Variants in TPO observed in about 807,000 individuals in gnomAD.
TPO encodes the protein thyroid microsomal antigen.
A neutral mutation model predicts 96.9 loss-of-function variants in TPO; 78 were observed. The observed-to-expected ratio is 0.81, with a 90% CI of 0.67 to 0.97. The LOEUF is 0.97. Among genes scored for constraint, TPO ranks in the 50% least tolerant of loss-of-function variants. The probability of loss-of-function intolerance (pLI) is 0.00; values close to 1 mark genes in which losing one functional copy is unlikely to be tolerated. For missense variants in TPO, 1,252 were observed against 1,274.8 expected (o/e 0.98, Z 0.27); for synonymous variants, 547 against 538.0 (o/e 1.02, Z -0.23).
At chr2:1,496,269 G>C (rs1481564102) in intron 12 of TPO, 72 bp downstream of exon 12, 3 of 1,539,122 alleles carry the variant, frequency 1.9e-6, no homozygotes, top group African/African-American at 2.8e-5. Flanking sequence ...TCTTCCCCAG[G>C]AGCTGATTTT....
intron 1 of TPO, among the ~76,000 whole-genome samples, chr2:1,407,962 C>T (rs1488206254): frequency 1.3e-5 from 2 of 152,174 alleles, no homozygotes; most frequent in Non-Finnish European, 2.9e-5. Context: ...ATTCTGAATC[C>T]TCCTTACAGG....
Position 1,503,578 on chromosome 2 carries a change from C to T in TPO, c.2387-370C>T, listed in dbSNP as rs542784752. Among the ~76,000 whole-genome samples the T allele has an allele frequency of 4.6e-5, 7 of 152,232 alleles. No homozygotes were observed. The South Asian group carries it at 8.3e-4, about 18-fold the overall frequency. On this transcript the variant is annotated intron_variant, in intron 13 of 16. Transcript: ENST00000329066. ...GGCCAGCTGGGAGCATCTGCCTGGG[C>T]GAAGCAGACCCTGCCCCACCCTCAC...
chr2:1,463,355 A>C (rs762816064), intron 7 of TPO, among the ~76,000 whole-genome samples: 40 of 152,242 alleles, frequency 2.6e-4, no homozygotes, highest in Admixed American at 1.5e-3. Context: ...TAGATGACAC[A>C]TCATAAATCA....
At chr2:1,540,822 G>C (rs769573597) in intron 16 of TPO, 99 bp downstream of exon 16, 1 of 1,599,192 alleles carries the variant, frequency 6.3e-7, no homozygotes, top group Admixed American at 1.7e-5. Context: ...GCATATTTCT[G>C]TTTACTCCGT....
chr2:1,442,709 T>C (rs946418397), intron 5 of TPO, among the ~76,000 whole-genome samples: 2 of 152,224 alleles, frequency 1.3e-5, no homozygotes, highest in Non-Finnish European at 2.9e-5. Context: ...TTAGACTTCA[T>C]GTCTTGCTTA....
chr2:1,447,668 A>ATG (rs943641806), intron 5 of TPO, among the ~76,000 whole-genome samples: 10 of 152,102 alleles, frequency 6.6e-5, no homozygotes, highest in Admixed American at 5.9e-4. Flanking sequence ...GTAGATTTGT[A>ATG]TGTGTGTGTG....
intron 4 of TPO, among the ~76,000 whole-genome samples, chr2:1,435,884 G>A (rs1665518542): frequency 6.6e-6 from 1 of 152,156 alleles, no homozygotes; most frequent in African/African-American, 2.4e-5. Flanking sequence ...AGGCACACAT[G>A]CCTCACTGTT....
chr2:1,483,561 A>G (rs1670841429), intron 8 of TPO, among the ~76,000 whole-genome samples: 1 of 152,240 alleles, frequency 6.6e-6, no homozygotes, highest in African/African-American at 2.4e-5. Context: ...ACGTTGCCAC[A>G]TAAATTGCAC....
intron 15 of TPO, among the ~76,000 whole-genome samples, chr2:1,536,848 G>T (rs180836867): frequency 3.0e-3 from 46 of 15,288 alleles, no homozygotes; most frequent in Middle Eastern, 0.042. Flanking sequence ...CCCAAATCCC[G>T]CCACTGTGTT....
rs1314319485 is a variant in TPO, at chr2:1,493,862, G to C, written c.1829G>C (p.Ser610Thr). Residue 610 changes from serine to threonine, a missense_variant, in exon 11 of 17, where the codon AGC becomes ACC. Ser to Thr is a moderately conservative substitution (Grantham distance 58). Coordinates refer to ENST00000329066, the MANE Select transcript of TPO (RefSeq NM_001206744.2). The part of the protein sequence containing the change: ...LPRLETPADL[S>T]TAIASRSVAD... ...CGCCTGGAGACCCCCGCTGACCTGAGCACAGCCATCGCCAGCAGGAGCGTG... is the reference window on the plus strand; with the variant it reads ...CGCCTGGAGACCCCCGCTGACCTGACCACAGCCATCGCCAGCAGGAGCGTG... The C allele has an allele frequency of 6.2e-7, 1 of 1,614,066 alleles. No individual in the cohort carries two copies. The highest frequency in any genetic ancestry group is 8.5e-7 in the Non-Finnish European group (1 of 1,180,040).
intron 3 of TPO, among the ~76,000 whole-genome samples, chr2:1,429,587 A>G (rs1260817590): frequency 6.6e-6 from 1 of 152,206 alleles, no homozygotes; most frequent in Non-Finnish European, 1.5e-5. Context: ...GACTTGCCAA[A>G]TGACTGTGAC....
At chr2:1,481,653 T>C (rs1670652184) in intron 8 of TPO, among the ~76,000 whole-genome samples, 1 of 152,188 alleles carries the variant, frequency 6.6e-6, no homozygotes, top group Non-Finnish European at 1.5e-5. Flanking sequence ...AGCTGAGTAC[T>C]TTTTCAGATT....
At chr2:1,455,985 A>T (rs1667746621) in intron 6 of TPO, 91 bp from the exon 7 acceptor site, 1 of 1,335,432 alleles carries the variant, frequency 7.5e-7, no homozygotes, top group African/African-American at 1.4e-5. Flanking sequence ...GTGAACAAGA[A>T]CCACACCAGG....
chr2:1,496,493 A>G (rs1672363284), intron 12 of TPO, 102 bp from the exon 13 acceptor site: 23 of 1,527,982 alleles, frequency 1.5e-5, no homozygotes, highest in South Asian at 4.5e-5. Context: ...CGGCCCTGGC[A>G]CCAGCCCCTC....
At chr2:1,418,211 C>G (rs191362088) in intron 2 of TPO, among the ~76,000 whole-genome samples, 2 of 150,408 alleles carry the variant, frequency 1.3e-5, no homozygotes, top group Non-Finnish European at 2.9e-5. Context: ...CAGTTGAACC[C>G]AGGAGGTGGA....
chr2:1,456,143 CT>C lies in TPO; in HGVS notation c.681del (p.Asp228ThrfsTer3). Reference sequence around the variant, plus strand: ...GTTGTCACAGATGATGACCGCTATTCTGACCTCCTGATGGCATGGGGACAAT... The same window carrying C: ...GTTGTCACAGATGATGACCGCTATTCGACCTCCTGATGGCATGGGGACAAT... The part of the protein sequence containing the change: ...NEVVTDDDRY[S>X]DLLMAWGQYI... On this transcript the variant is annotated frameshift_variant, in exon 7 of 17. Coordinates refer to ENST00000329066, the MANE Select transcript of TPO (RefSeq NM_001206744.2). LOFTEE classifies it high-confidence loss of function. 2 of 1,614,112 alleles carry C rather than the reference CT, an allele frequency of 1.2e-6. No individual in the cohort carries two copies. Among genetic ancestry groups the C allele is most frequent in the Non-Finnish European group, 1.7e-6 (2 of 1,180,044 alleles).
At position 1,516,981 on chromosome 2, in the gene TPO, T is replaced by G; in HGVS notation, c.2617T>G (p.Trp873Gly). 2 of 1,613,814 alleles carry G rather than the reference T, an allele frequency of 1.2e-6. No individual in the cohort carries two copies. Among genetic ancestry groups the G allele is most frequent in the Non-Finnish European group, 1.7e-6 (2 of 1,180,000 alleles). Reference sequence around the variant, plus strand: ...TCTCACCTCGACGGTGATTTGCAGGTGGTAAGTCCTTCACTTTTTGACTGT... The same window carrying G: ...TCTCACCTCGACGGTGATTTGCAGGGGGTAAGTCCTTCACTTTTTGACTGT... ...AGLTSTVICR[W>G]TRTGTKSTLP... The change falls in exon 15 of 17, where the codon TGG (tryptophan) becomes GGG (glycine). Residue 873 changes from tryptophan to glycine, a missense_variant and splice_region_variant. Coordinates refer to ENST00000329066, the MANE Select transcript of TPO (RefSeq NM_001206744.2).
chr2:1,475,969 G>A (rs1046081897), intron 7 of TPO, among the ~76,000 whole-genome samples: 2 of 105,370 alleles, frequency 1.9e-5, no homozygotes, highest in African/African-American at 6.8e-5. Flanking sequence ...TGCACCTCCT[G>A]TGCCTGGGTC....
chr2:1,451,593 A>G (rs561986140), intron 5 of TPO, among the ~76,000 whole-genome samples: 11 of 152,276 alleles, frequency 7.2e-5, no homozygotes, highest in African/African-American at 1.4e-4. Context: ...CCAGTTGTCC[A>G]TGATGCAGCT....
Sources: gnomAD v4.1 joint callset for allele counts (sites outside exome capture counted in the v4.1 genomes callset) on GRCh38, gnomAD v4.1.1 for gene constraint, MANE v1.5 for transcripts, NCBI Gene and HGNC (gene_info 2026-07-23, HGNC 2026-07-21) for gene names.